SEL1L3: variants seen among roughly 807,000 people sequenced by gnomAD.
SEL1L3 encodes protein sel-1 homolog 3.
In SEL1L3, 76 loss-of-function variants were observed where a neutral mutation model predicts 142.8. The ratio of observed to expected loss-of-function variants is 0.53; its 90% confidence interval spans 0.44 to 0.64. The LOEUF (loss-of-function observed/expected upper bound fraction) is 0.64. Ranked by LOEUF, SEL1L3 falls within the 30% of genes least tolerant of loss-of-function variation. The pLI, the probability that SEL1L3 is intolerant of heterozygous loss-of-function variation, is 0.00. For missense variants in SEL1L3, 1,262 were observed against 1,381.7 expected, an observed-to-expected ratio of 0.91 and a Z score of 1.37; for synonymous variants, 504 against 519.6, an observed-to-expected ratio of 0.97 and a Z score of 0.41.
At chr4:25,829,263 A>G (rs1715287300) in intron 6 of SEL1L3, among the ~76,000 whole-genome samples, 1 of 152,068 alleles carries the variant, frequency 6.6e-6, no homozygotes, top group South Asian at 2.1e-4. Context: ...GTGAGCCAAC[A>G]CCCCTGGCCT....
At chr4:25,785,537 C>G (rs934318816) in intron 13 of SEL1L3, among the ~76,000 whole-genome samples, 1 of 152,178 alleles carries the variant, frequency 6.6e-6, no homozygotes, top group Non-Finnish European at 1.5e-5. Context: ...AAAACTGAAT[C>G]CAACTAAAGG....
intron 10 of SEL1L3, among the ~76,000 whole-genome samples, chr4:25,803,416 C>A (rs1047239469): frequency 1.3e-5 from 2 of 152,234 alleles, no homozygotes; most frequent in African/African-American, 4.8e-5. Flanking sequence ...CACATCTCAA[C>A]AGTCTGAGCC....
At chr4:25,749,385 C>T (rs908760332) in intron 23 of SEL1L3, among the ~76,000 whole-genome samples, 5 of 151,644 alleles carry the variant, frequency 3.3e-5, no homozygotes, top group Admixed American at 6.6e-5. Context: ...AAAAAAAGTG[C>T]CAATGTGTAA....
intron 13 of SEL1L3, among the ~76,000 whole-genome samples, chr4:25,787,193 C>T (rs890302623): frequency 1.3e-5 from 2 of 152,196 alleles, no homozygotes; most frequent in Non-Finnish European, 2.9e-5. Flanking sequence ...TTTCTCTGTG[C>T]CTTTGTCTCC....
At chr4:25,762,668 AATG>A (rs1718448560) in intron 20 of SEL1L3, among the ~76,000 whole-genome samples, 1 of 152,172 alleles carries the variant, frequency 6.6e-6, no homozygotes, top group Non-Finnish European at 1.5e-5. Context: ...TCCTACAATA[AATG>A]ATAAGACAGA....
chr4:25,777,440 G>T (rs13113085), intron 16 of SEL1L3, among the ~76,000 whole-genome samples: 61,332 of 151,864 alleles, frequency 0.4, 13,109 homozygotes, highest in African/African-American at 0.55. Flanking sequence ...AGCAGAAAAA[G>T]AAACATCAGA....
chr4:25,849,602 G>C (rs886403881), intron 1 of SEL1L3, among the ~76,000 whole-genome samples: 3 of 152,206 alleles, frequency 2.0e-5, no homozygotes, highest in Non-Finnish European at 2.9e-5. Flanking sequence ...GAGACAGAAA[G>C]TGGTGCTGGT....
intron 8 of SEL1L3, 32 bp from the exon 9 acceptor site, chr4:25,818,310 C>G (rs992873139): frequency 1.3e-6 from 2 of 1,568,842 alleles, no homozygotes; most frequent in African/African-American, 2.7e-5. Flanking sequence ...AGATATCACA[C>G]CCTTTAGCAG....
At chr4:25,741,348 G>C in the SEL1L3 span, among the ~76,000 whole-genome samples, 4 of 151,592 alleles carry the variant, frequency 2.6e-5, no homozygotes, top group Non-Finnish European at 5.9e-5. Flanking sequence ...TAATCCGCCC[G>C]CCTCAGCCTC....
chr4:25,834,946 C>T (rs1021987724), intron 3 of SEL1L3, among the ~76,000 whole-genome samples: 10 of 152,222 alleles, frequency 6.6e-5, no homozygotes, highest in Non-Finnish European at 1.5e-4. Context: ...GCTTCAACAC[C>T]TTGCTGTCTA....
chr4:25,782,643 C>T (rs920024778), intron 14 of SEL1L3, among the ~76,000 whole-genome samples: 5 of 152,186 alleles, frequency 3.3e-5, no homozygotes, highest in African/African-American at 9.7e-5. Context: ...TTCTGCCTTC[C>T]ATCTCTGCAG....
At chr4:25,831,723 C>A (rs562333154) in intron 5 of SEL1L3, among the ~76,000 whole-genome samples, 5 of 151,998 alleles carry the variant, frequency 3.3e-5, no homozygotes, top group African/African-American at 1.2e-4. Context: ...CGGGGTTTCA[C>A]CATGTTGGCC....
At chr4:25,817,483 C>G (rs1714458217) in intron 9 of SEL1L3, among the ~76,000 whole-genome samples, 1 of 152,238 alleles carries the variant, frequency 6.6e-6, no homozygotes, top group Non-Finnish European at 1.5e-5. Flanking sequence ...CCAAATTGCA[C>G]TGGGCCTACA....
At chr4:25,787,643 G>A (rs969032132) in intron 13 of SEL1L3, among the ~76,000 whole-genome samples, 2 of 152,162 alleles carry the variant, frequency 1.3e-5, no homozygotes, top group Non-Finnish European at 2.9e-5. Context: ...TAAAGAACAC[G>A]GCATTTTATG....
chr4:25,821,811 C>T (rs1389649288), intron 7 of SEL1L3, among the ~76,000 whole-genome samples, 185 bp downstream of exon 7: 1 of 152,162 alleles, frequency 6.6e-6, no homozygotes, highest in Non-Finnish European at 1.5e-5. Flanking sequence ...ACTAAATGAA[C>T]CAAATGTTAA....
chr4:25,819,337 T>C (rs1714603175), intron 8 of SEL1L3, among the ~76,000 whole-genome samples: 1 of 86,574 alleles, frequency 1.2e-5, no homozygotes, highest in Non-Finnish European at 3.4e-5. Context: ...TTTCAAGGAT[T>C]TAAAAAATAA....
the SEL1L3 span, among the ~76,000 whole-genome samples, chr4:25,735,975 G>A: frequency 2.6e-5 from 4 of 151,098 alleles, no homozygotes; most frequent in African/African-American, 4.9e-5. Context: ...GACTGCAGGC[G>A]CCCGCCACCA....
chr4:25,784,131 T>C (rs1269468069), intron 14 of SEL1L3, 97 bp downstream of exon 14: 2 of 1,042,632 alleles, frequency 1.9e-6, no homozygotes, highest in African/African-American at 3.1e-5. Context: ...CCTTAGGGCT[T>C]TGTAGGAAGA....
chr4:25,803,088 G>A (rs1713298610), intron 10 of SEL1L3, among the ~76,000 whole-genome samples: 2 of 152,262 alleles, frequency 1.3e-5, no homozygotes, highest in African/African-American at 2.4e-5. Context: ...TGACATCATC[G>A]ATGGACACGG....
Sources: allele counts gnomAD v4.1 joint callset (sites outside exome capture counted in the v4.1 genomes callset), GRCh38; gene constraint gnomAD v4.1.1; transcripts MANE v1.5; gene names NCBI Gene and HGNC (gene_info 2026-07-23, HGNC 2026-07-21).